Variants in IKZF3 observed in about 807,000 individuals in gnomAD.
The protein encoded by IKZF3 is IKAROS family zinc finger 3, also known as zinc finger protein Aiolos.
Under a neutral mutation model 49.0 loss-of-function variants are expected in IKZF3, and 10 were observed. The observed-to-expected ratio is 0.20, with a 90% CI of 0.13 to 0.35. IKZF3 has a LOEUF of 0.35. Among genes scored for constraint, IKZF3 ranks in the 10% least tolerant of loss-of-function variants. The probability of loss-of-function intolerance (pLI) is 1.00; values close to 1 mark genes in which losing one functional copy is unlikely to be tolerated. For missense variants in IKZF3, 498 were observed against 664.8 expected (o/e 0.75, Z 2.76); for synonymous variants, 209 against 228.2 (o/e 0.92, Z 0.76).
In IKZF3 at chr17:39,864,196, T is replaced by C. The variant is rs1444491129; in HGVS notation, c.-70A>G. On this transcript the variant is annotated 5_prime_UTR_variant, in exon 1 of 8. Transcript: ENST00000346872. ...CTCTCCACGTGCTCCTGCCGTCGCC[T>C]GGACTCAGCGCGCAGCTGGCGGGAG... 1.3e-6 allele frequency: 2 copies of C among 1,560,700 alleles called. No individual in the cohort carries two copies. Among genetic ancestry groups the C allele is most frequent in the Non-Finnish European group, 8.7e-7 (1 of 1,149,788 alleles).
At chr17:39,843,369 C>T (rs760527708) in intron 1 of IKZF3, among the ~76,000 whole-genome samples, 9 of 151,416 alleles carry the variant, frequency 5.9e-5, no homozygotes, top group Non-Finnish European at 1.3e-4. Flanking sequence ...TCTGTAAGTT[C>T]GATAGTGTTT....
chr17:39,833,384 GA>G (rs1208954717), intron 1 of IKZF3, among the ~76,000 whole-genome samples: 1 of 152,102 alleles, frequency 6.6e-6, no homozygotes, highest in African/African-American at 2.4e-5. Flanking sequence ...CATCATCCCA[GA>G]AAAGCTCCCT....
At chr17:39,783,447 G>T (rs978055364) in intron 6 of IKZF3, among the ~76,000 whole-genome samples, 5 of 152,070 alleles carry the variant, frequency 3.3e-5, no homozygotes, top group African/African-American at 9.7e-5. Context: ...TCAGCCTCCT[G>T]AGTAGCTGGG....
intron 6 of IKZF3, among the ~76,000 whole-genome samples, chr17:39,785,936 A>G (rs536285366): frequency 6.6e-6 from 1 of 152,346 alleles, no homozygotes; most frequent in African/African-American, 2.4e-5. Context: ...ACATTATGCT[A>G]AGTAAAAGGA....
At chr17:39,862,485 G>T (rs1454454586) in intron 1 of IKZF3, among the ~76,000 whole-genome samples, 1 of 151,800 alleles carries the variant, frequency 6.6e-6, no homozygotes, top group Non-Finnish European at 1.5e-5. Context: ...CAAAAACATG[G>T]GCCAGATTAG....
intron 1 of IKZF3, among the ~76,000 whole-genome samples, chr17:39,853,285 T>C (rs936429757): frequency 1.3e-5 from 2 of 152,234 alleles, no homozygotes; most frequent in African/African-American, 4.8e-5. Flanking sequence ...TAAATAGTTT[T>C]AGAACGAAGA....
rs2060139282 is a variant in IKZF3 at position 39,759,815 on chromosome 17, T to C, written c.*5975A>G. ...CTGGATATAGAGGTTTTTTGAACTA[T>C]ACTTTCTGTGTGAACACAAAAATAG... On this transcript the variant is annotated 3_prime_UTR_variant, in exon 8 of 8. Coordinates refer to ENST00000346872, the MANE Select transcript of IKZF3 (RefSeq NM_012481.5). 6.6e-6 allele frequency: 1 copy of C among 152,270 alleles called. No homozygotes were observed. Among genetic ancestry groups the C allele is most frequent in the Admixed American group, 6.5e-5 (1 of 15,292 alleles). The allele number at this position is 152,270 out of a possible 1,614,324, so 9.4% of individuals were successfully genotyped here.
At chr17:39,833,486 A>C in intron 1 of IKZF3, among the ~76,000 whole-genome samples, 1 of 152,186 alleles carries the variant, frequency 6.6e-6, no homozygotes, top group Non-Finnish European at 1.5e-5. Flanking sequence ...AGCCTATTTT[A>C]GAACTTCATA....
In IKZF3 at chr17:39,757,729, C is replaced by A. The variant is rs1597915391; in HGVS notation, c.*8061G>T. On this transcript the variant is annotated 3_prime_UTR_variant, in exon 8 of 8. Transcript: ENST00000346872. ...TGCACAAGGACTAATTTCAAACATA[C>A]CAGGATTTTTTTATTTTTCAGTGTA... 1 of 152,136 alleles carries A rather than the reference C, an allele frequency of 6.6e-6. No homozygotes were observed. Among genetic ancestry groups the A allele is most frequent in the Non-Finnish European group, 1.5e-5 (1 of 68,014 alleles). The allele number at this position is 152,136 out of a possible 1,614,324, so 9.4% of individuals were successfully genotyped here. A position where few individuals can be genotyped will look rare whatever the true frequency, so the allele number is the denominator to read the frequency against.
intron 1 of IKZF3, among the ~76,000 whole-genome samples, chr17:39,863,775 G>GA (rs2063282473): frequency 6.8e-6 from 1 of 146,310 alleles, no homozygotes; most frequent in South Asian, 2.2e-4. Context: ...GGCCATGAAG[G>GA]AAAAAATATC....
chr17:39,816,985 A>G (rs2061692618), intron 3 of IKZF3, among the ~76,000 whole-genome samples: 1 of 152,246 alleles, frequency 6.6e-6, no homozygotes, highest in Non-Finnish European at 1.5e-5. Context: ...AAGTGCTGGG[A>G]TTACAGGCCT....
chr17:39,864,193 G>A lies in IKZF3; in HGVS notation c.-67C>T. ...GGCCTCTCCACGTGCTCCTGCCGTC[G>A]CCTGGACTCAGCGCGCAGCTGGCGG... On this transcript the variant is annotated 5_prime_UTR_variant, in exon 1 of 8. Transcript: ENST00000346872. 6.4e-7 allele frequency: 1 copy of A among 1,565,654 alleles called. No homozygotes were observed. Among genetic ancestry groups the A allele is most frequent in the Non-Finnish European group, 8.7e-7 (1 of 1,153,588 alleles).
At chr17:39,777,803 A>C in intron 6 of IKZF3, 36 bp from the exon 7 acceptor site, 1 of 1,601,200 alleles carries the variant, frequency 6.2e-7, no homozygotes, top group Non-Finnish European at 8.5e-7. Flanking sequence ...GAGAGAAAAG[A>C]ACACATTGGT....
At chr17:39,774,447 C>A (rs999349884) in intron 7 of IKZF3, among the ~76,000 whole-genome samples, 14 of 151,832 alleles carry the variant, frequency 9.2e-5, no homozygotes, top group Admixed American at 7.9e-4. Context: ...CGAGGCAAGG[C>A]GAGGGGAGAT....
intron 6 of IKZF3, among the ~76,000 whole-genome samples, chr17:39,783,571 C>T (rs141338000): frequency 6.6e-6 from 1 of 152,190 alleles, no homozygotes. Flanking sequence ...CCGCCCACCT[C>T]AGCATCCTAA....
At position 39,775,880 on chromosome 17, in the gene IKZF3, C is replaced by T. The variant is rs189575244; in HGVS notation, c.826+1771G>A. Among the ~76,000 whole-genome samples, 27 of 150,660 alleles carry T rather than the reference C, an allele frequency of 1.8e-4. No homozygotes were observed. The East Asian group carries it at 2.9e-3, about 16-fold the overall frequency. ...CAGAGGTTGCGGTGAGCCGAGATCG[C>T]GCCATTGCACCCCAGCCTGGGCGAC... On this transcript the variant is annotated intron_variant, in intron 7 of 7. Coordinates refer to ENST00000346872, the MANE Select transcript of IKZF3 (RefSeq NM_012481.5).
intron 3 of IKZF3, among the ~76,000 whole-genome samples, chr17:39,822,919 C>T (rs1402983031): frequency 6.6e-6 from 1 of 152,036 alleles, no homozygotes. Context: ...TGGACTAATT[C>T]AGTATATTGG....
chr17:39,841,831 T>C (rs2062476531), intron 1 of IKZF3, among the ~76,000 whole-genome samples: 1 of 151,514 alleles, frequency 6.6e-6, no homozygotes, highest in Admixed American at 6.6e-5. Context: ...GATTGCTTGA[T>C]ACCAGGAGTT....
intron 1 of IKZF3, among the ~76,000 whole-genome samples, chr17:39,856,417 C>A (rs751114396): frequency 1.9e-4 from 29 of 151,636 alleles, no homozygotes; most frequent in Non-Finnish European, 3.7e-4. Flanking sequence ...CTGGTGGTGG[C>A]ACGTGCCACC....
Sources: gnomAD v4.1 joint callset for allele counts (sites outside exome capture counted in the v4.1 genomes callset) on GRCh38, gnomAD v4.1.1 for gene constraint, MANE v1.5 for transcripts, NCBI Gene and HGNC (gene_info 2026-07-23, HGNC 2026-07-21) for gene names.